CCIN: variants seen among roughly 807,000 people sequenced by gnomAD.
The protein encoded by CCIN is calicin, also known as testis tissue sperm-binding protein Li 65n.
A neutral mutation model predicts 32.2 loss-of-function variants in CCIN; 15 were observed. The ratio of observed to expected loss-of-function variants is 0.47; its 90% CI spans 0.31 to 0.72. The LOEUF is 0.72. CCIN is among the 30% of genes least tolerant of loss of function. The pLI is 0.05. For missense variants in CCIN, 623 were observed against 759.4 expected (o/e 0.82, Z 2.11); for synonymous variants, 302 against 297.4 (o/e 1.02, Z -0.16).
At position 36,169,509 on chromosome 9, in the gene CCIN, T is replaced by C. The variant is rs1826277867; in HGVS notation, c.7T>C (p.Leu3=). Residue 3 remains leucine (L), a synonymous_variant, in exon 1 of 1, where the codon TTG becomes CTG. Coordinates refer to ENST00000335119, the MANE Select transcript of CCIN (RefSeq NM_005893.3). ...TCAGCCGACAAGAGGCACCATGAAATTGGAATTCACGGAGAAAAACTACAA... is the reference window on the plus strand; with the variant it reads ...TCAGCCGACAAGAGGCACCATGAAACTGGAATTCACGGAGAAAAACTACAA... MK[L]EFTEKNYNSF... 2.5e-6 allele frequency: 4 copies of C among 1,614,032 alleles called. No individual in the cohort carries two copies. The highest frequency in any genetic ancestry group is 2.2e-5 in the East Asian group (1 of 44,894).
rs761798483 is a variant in CCIN at position 36,170,072 on chromosome 9, C to T, written c.570C>T (p.His190=). 1.9e-5 allele frequency: 31 copies of T among 1,614,086 alleles called. No homozygotes were observed. The East Asian group carries it at 4.7e-4, about 24-fold the overall frequency. The change falls in exon 1 of 1, where the codon CAC becomes CAT. Residue 190 remains histidine, a synonymous_variant. Coordinates refer to ENST00000335119, the MANE Select transcript of CCIN (RefSeq NM_005893.3). Reference sequence around the variant, plus strand: ...GCCTGCTCCGTGATGAAAACCTTCACGTGCTCAATGAAGACCAGGCGCTCA... The same window carrying T: ...GCCTGCTCCGTGATGAAAACCTTCATGTGCTCAATGAAGACCAGGCGCTCA... ...FGRLLRDENL[H]VLNEDQALSA... is the part of the protein sequence containing the mutation.
chr9:36,170,437 A>T lies in CCIN; in HGVS notation c.935A>T (p.Asp312Val), dbSNP rs1183509919. Residue 312 changes from aspartate to valine, a missense_variant, in exon 1 of 1, where the codon GAC becomes GTC. By Grantham distance (152) the Asp-to-Val change is radical. Coordinates refer to ENST00000335119, the MANE Select transcript of CCIN (RefSeq NM_005893.3). ...GAGAACCTGTGGATGAAGCTCTCAG[A>T]CATGCCCTATCGGGCAGCAGCACTT... ...IQENLWMKLS[D>V]MPYRAAALSA... The T allele has an allele frequency of 6.2e-7, 1 of 1,614,138 alleles. No individual in the cohort carries two copies. Among genetic ancestry groups the T allele is most frequent in the East Asian group, 2.2e-5 (1 of 44,882 alleles).
Position 36,170,175 on chromosome 9 carries a change from C to T in CCIN, c.673C>T (p.Leu225Phe). ...YFKKFFNYIN[L>F]NAVSNKTLVF... is the part of the protein sequence containing the mutation. ...CAAGAAGTTCTTCAATTACATCAAT[C>T]TCAATGCTGTCTCCAATAAGACGCT... Residue 225 changes from leucine (L) to phenylalanine (F), a missense_variant, in exon 1 of 1, where the codon CTC (leucine) becomes TTC (phenylalanine). Leu to Phe is a conservative substitution (Grantham distance 22). Transcript: ENST00000335119. 1 of 1,614,244 alleles carries T rather than the reference C, an allele frequency of 6.2e-7. No homozygotes were observed. Among genetic ancestry groups the T allele is most frequent in the Non-Finnish European group, 8.5e-7 (1 of 1,180,046 alleles).
In CCIN at chr9:36,170,055, C is replaced by G; in HGVS notation, c.553C>G (p.Arg185Gly). The change falls in exon 1 of 1, where the codon CGT becomes GGT. Residue 185 changes from arginine (R) to glycine (G), a missense_variant. By Grantham distance (125) the Arg-to-Gly change is moderately radical (BLOSUM62 -2). Coordinates refer to ENST00000335119, the MANE Select transcript of CCIN (RefSeq NM_005893.3). ...CPPVIFGRLL[R>G]DENLHVLNED... ...ACCTGTTATCTTTGGCCGCCTGCTC[C>G]GTGATGAAAACCTTCACGTGCTCAA... The G allele has an allele frequency of 6.2e-7, 1 of 1,614,140 alleles. No individual in the cohort carries two copies. Among genetic ancestry groups the G allele is most frequent in the Non-Finnish European group, 8.5e-7 (1 of 1,180,020 alleles).
At position 36,170,048 on chromosome 9, in the gene CCIN, C is replaced by A; in HGVS notation, c.546C>A (p.Arg182=). Residue 182 remains arginine (R), a synonymous_variant, in exon 1 of 1, where the codon CGC becomes CGA. Transcript: ENST00000335119. ...GCTGTCCACCTGTTATCTTTGGCCG[C>A]CTGCTCCGTGATGAAAACCTTCACG... The part of the protein sequence containing the change: ...FMRCPPVIFG[R]LLRDENLHVL... 1 of 1,614,136 alleles carries A rather than the reference C, an allele frequency of 6.2e-7. No homozygotes were observed. Among genetic ancestry groups the A allele is most frequent in the Non-Finnish European group, 8.5e-7 (1 of 1,180,028 alleles).
Position 36,170,245 on chromosome 9 carries a change from C to T in CCIN, c.743C>T (p.Ser248Phe), listed in dbSNP as rs776208727. The stretch of plus-strand genomic sequence containing the variant: ...CTGGTGGGCATGGAGAACACCTCAT[C>T]CCATACAACCCTGATTGAGAGTGTC... ...NKLVGMENTS[S>F]HTTLIESVLM... Residue 248 changes from serine to phenylalanine, a missense_variant, in exon 1 of 1, where the codon TCC becomes TTC. Coordinates refer to ENST00000335119, the MANE Select transcript of CCIN (RefSeq NM_005893.3). The T allele has an allele frequency of 2.5e-6, 4 of 1,614,006 alleles. No individual in the cohort carries two copies. The highest frequency in any genetic ancestry group is 2.2e-5 in the East Asian group (1 of 44,888).
chr9:36,169,750 A>C lies in CCIN; in HGVS notation c.248A>C (p.Asp83Ala), dbSNP rs138966068. ...DTSYLSPVTV[D>A]QLLDYFYSGK... ...AGTTACCTGAGCCCGGTCACAGTGG[A>C]CCAGCTTCTGGACTACTTCTATAGC... The change falls in exon 1 of 1, where the codon GAC (aspartate) becomes GCC (alanine). Residue 83 changes from aspartate (D) to alanine (A), a missense_variant. Asp to Ala is a moderately radical substitution (Grantham distance 126, BLOSUM62 -2). Coordinates refer to ENST00000335119, the MANE Select transcript of CCIN (RefSeq NM_005893.3). 12 of 1,614,184 alleles carry C rather than the reference A, an allele frequency of 7.4e-6. No individual in the cohort carries two copies. The highest frequency in any genetic ancestry group is 1.0e-5 in the Non-Finnish European group (12 of 1,180,022).
In CCIN at chr9:36,169,776, G is replaced by C; in HGVS notation, c.274G>C (p.Gly92Arg). The C allele has an allele frequency of 6.2e-7, 1 of 1,614,140 alleles. No individual in the cohort carries two copies. Among genetic ancestry groups the C allele is most frequent in the Non-Finnish European group, 8.5e-7 (1 of 1,180,032 alleles). ...CCAGCTTCTGGACTACTTCTATAGC[G>C]GCAAGGTGGTGATCTCCGAGCAAAA... ...VDQLLDYFYS[G>R]KVVISEQNVE... Residue 92 changes from glycine (G) to arginine (R), a missense_variant, in exon 1 of 1, where the codon GGC becomes CGC. Transcript: ENST00000335119.
Position 36,169,634 on chromosome 9 carries a change from T to C in CCIN, c.132T>C (p.Asn44=). The change falls in exon 1 of 1, where the codon AAT becomes AAC. Residue 44 remains asparagine (N), a synonymous_variant. Transcript: ENST00000335119. The part of the protein sequence containing the change: ...VDNHVFFAHR[N]VLAAVSPLVR... ...ACCACGTCTTCTTTGCACATCGCAATGTGCTGGCTGCTGTCTCCCCACTGG... is the reference window on the plus strand; with the variant it reads ...ACCACGTCTTCTTTGCACATCGCAACGTGCTGGCTGCTGTCTCCCCACTGG... 6.2e-7 allele frequency: 1 copy of C among 1,614,208 alleles called. No individual in the cohort carries two copies. The highest frequency in any genetic ancestry group is 1.3e-5 in the African/African-American group (1 of 75,058).
Sources: gnomAD v4.1 joint callset for allele counts on GRCh38, gnomAD v4.1.1 for gene constraint, MANE v1.5 for transcripts, NCBI Gene and HGNC (gene_info 2026-07-23, HGNC 2026-07-21) for gene names.